SOX6: variants seen among roughly 807,000 people sequenced by gnomAD.
SOX6 encodes the protein transcription factor SOX-6.
In SOX6, 11 loss-of-function variants were observed where a neutral mutation model predicts 97.8. That is an observed-to-expected ratio of 0.11 (90% confidence interval 0.07 to 0.19). The LOEUF is 0.19. Ranked by LOEUF, SOX6 falls within the 10% of genes least tolerant of loss-of-function variation. The probability of loss-of-function intolerance (pLI) is 1.00; values close to 1 mark genes in which losing one functional copy is unlikely to be tolerated. For missense variants in SOX6, 810 were observed against 1,039.5 expected (o/e 0.78, Z 3.04); for synonymous variants, 360 against 371.4 (o/e 0.97, Z 0.35).
chr11:16,294,435 A>T (rs1179875898), intron 3 of SOX6, among the ~76,000 whole-genome samples: 3 of 152,132 alleles, frequency 2.0e-5, no homozygotes, highest in African/African-American at 7.2e-5. Flanking sequence ...CTGACATTTT[A>T]AAACTCTCCT....
At chr11:16,274,453 G>A (rs1022979637) in intron 3 of SOX6, among the ~76,000 whole-genome samples, 7 of 151,574 alleles carry the variant, frequency 4.6e-5, no homozygotes, top group African/African-American at 1.7e-4. Flanking sequence ...ATTTCTAGGT[G>A]GTGGTATTAA....
chr11:16,506,866 C>A (rs1400381304), intron 4 of SOX6, among the ~76,000 whole-genome samples: 1 of 152,018 alleles, frequency 6.6e-6, no homozygotes, highest in Non-Finnish European at 1.5e-5. Context: ...GAGTTCGAGA[C>A]CAGCCTGGTC....
At chr11:16,161,705 C>T (rs561263419) in intron 6 of SOX6, among the ~76,000 whole-genome samples, 1 of 152,236 alleles carries the variant, frequency 6.6e-6, no homozygotes, top group African/African-American at 2.4e-5. Flanking sequence ...TAAGTTTTCT[C>T]ATTTTTCTTT....
At chr11:16,242,240 T>G (rs1195537723) in intron 3 of SOX6, among the ~76,000 whole-genome samples, 2 of 152,024 alleles carry the variant, frequency 1.3e-5, no homozygotes, top group Non-Finnish European at 2.9e-5. Context: ...TATGTTTAGA[T>G]CCACAATTAT....
At chr11:16,192,805 A>C (rs1020188385) in intron 4 of SOX6, among the ~76,000 whole-genome samples, 1 of 152,194 alleles carries the variant, frequency 6.6e-6, no homozygotes, top group Middle Eastern at 3.2e-3. Context: ...TCAGTTCACA[A>C]AAGTTAGCAC....
chr11:16,611,301 T>G (rs1380924562), intron 4 of SOX6, among the ~76,000 whole-genome samples: 1 of 152,222 alleles, frequency 6.6e-6, no homozygotes, highest in Non-Finnish European at 1.5e-5. Context: ...AATTCCCGCT[T>G]TGAAAGACTC....
At chr11:16,434,403 T>A (rs1166852079) in intron 1 of SOX6, 1 of 152,168 alleles carries the variant, frequency 6.6e-6, no homozygotes, top group African/African-American at 2.4e-5. Context: ...AGAGACAGAC[T>A]AGTGTGCAAG....
intron 5 of SOX6, among the ~76,000 whole-genome samples, chr11:16,185,393 G>C (rs1382573752): frequency 6.6e-6 from 1 of 152,176 alleles, no homozygotes; most frequent in East Asian, 1.9e-4. Flanking sequence ...CCAGTGAAAT[G>C]CCACTAGGCA....
intron 13 of SOX6, among the ~76,000 whole-genome samples, chr11:15,999,705 G>C (rs1229609556): frequency 6.6e-6 from 1 of 151,996 alleles, no homozygotes; most frequent in African/African-American, 2.4e-5. Flanking sequence ...TTATTAAGAA[G>C]AGCAAAAAAC....
intron 6 of SOX6, among the ~76,000 whole-genome samples, chr11:16,115,011 G>T (rs1315238025): frequency 1.3e-5 from 2 of 152,118 alleles, no homozygotes; most frequent in Non-Finnish European, 2.9e-5. Context: ...TTCATATTAA[G>T]ATAAGCTGTA....
At position 16,523,992 on chromosome 11, in the gene SOX6, T is replaced by C. The variant is rs947038528; in HGVS notation, n.610-47604A>G. The stretch of plus-strand genomic sequence containing the variant: ...GCTCTGAAATTGTGGCAATAATCAA[T>C]AGCTTACCAACCAAAAGAGGGACCA... On this transcript the variant is annotated intron_variant and non_coding_transcript_variant, in intron 4 of 5. Transcript: ENST00000524520. Among the ~76,000 whole-genome samples, 6 of 152,230 alleles carry C rather than the reference T, an allele frequency of 3.9e-5. No individual in the cohort carries two copies. The East Asian group carries it at 7.7e-4, about 20-fold the overall frequency.
At chr11:16,005,065 C>T (rs892051276) in intron 13 of SOX6, among the ~76,000 whole-genome samples, 15 of 152,044 alleles carry the variant, frequency 9.9e-5, no homozygotes, top group Admixed American at 2.0e-4. Context: ...TAGTAGAATG[C>T]TTATTCCAGT....
chr11:16,305,248 G>A (rs1047577796), intron 3 of SOX6, among the ~76,000 whole-genome samples: 10 of 152,048 alleles, frequency 6.6e-5, no homozygotes, highest in African/African-American at 1.4e-4. Flanking sequence ...AAAATAGACC[G>A]AAAACATGAG....
intron 3 of SOX6, among the ~76,000 whole-genome samples, chr11:16,277,490 T>C (rs1565065017): frequency 6.6e-6 from 1 of 152,220 alleles, no homozygotes; most frequent in Non-Finnish European, 1.5e-5. Context: ...TATTTTGTTA[T>C]GGAATCCAAG....
intron 1 of SOX6, among the ~76,000 whole-genome samples, chr11:16,397,850 A>C (rs763881169): frequency 6.6e-6 from 1 of 151,636 alleles, no homozygotes; most frequent in East Asian, 1.9e-4. Flanking sequence ...GGCTTACAGC[A>C]CACCAGTCCA....
chr11:16,339,783 C>T (rs1219552059), intron 2 of SOX6, among the ~76,000 whole-genome samples: 1 of 152,038 alleles, frequency 6.6e-6, no homozygotes, highest in Non-Finnish European at 1.5e-5. Flanking sequence ...TGAAACATCG[C>T]TCCATTATCT....
In SOX6 at chr11:15,967,126, T is replaced by C. The variant is rs1250689341; in HGVS notation, c.*5683A>G. The C allele has an allele frequency of 2.0e-5, 3 of 152,184 alleles. No individual in the cohort carries two copies. Among genetic ancestry groups the C allele is most frequent in the African/African-American group, 4.8e-5 (2 of 41,454 alleles). The allele number at this position is 152,184 out of a possible 1,614,324, so 9.4% of individuals were successfully genotyped here. A position where few individuals can be genotyped will look rare whatever the true frequency, so the allele number is the denominator to read the frequency against. On this transcript the variant is annotated 3_prime_UTR_variant, in exon 16 of 16. Transcript: ENST00000683767. ...ATAGACACTAGTTTTTATGTTTTTT[T>C]CTTTTTTTCTAATTGCCCAAATAGT...
chr11:16,357,519 A>G (rs991336843), upstream of SOX6, among the ~76,000 whole-genome samples: 1 of 152,174 alleles, frequency 6.6e-6, no homozygotes, highest in Non-Finnish European at 1.5e-5. Context: ...ATGTCTTTTC[A>G]GCCAACACAG....
intron 6 of SOX6, among the ~76,000 whole-genome samples, chr11:16,145,875 TTC>T (rs1472733993): frequency 1.3e-5 from 2 of 152,164 alleles, no homozygotes; most frequent in African/African-American, 4.8e-5. Context: ...TGGAAGAACA[TTC>T]CACGCTCATG....
Sources: gnomAD v4.1 joint callset for allele counts (sites outside exome capture counted in the v4.1 genomes callset) on GRCh38, gnomAD v4.1.1 for gene constraint, MANE v1.5 for transcripts, NCBI Gene and HGNC (gene_info 2026-07-23, HGNC 2026-07-21) for gene names.